The following TNRC18 variants were observed in gnomAD, a reference collection of about 807,000 sequenced individuals.
TNRC18 encodes trinucleotide repeat-containing gene 18 protein.
TNRC18 carries 69 observed loss-of-function variants against 226.7 expected under a neutral mutation model. The observed-to-expected ratio is 0.30, with a 90% confidence interval of 0.25 to 0.37. The LOEUF (loss-of-function observed/expected upper bound fraction) is 0.37, where lower values mean the gene tolerates loss of function less well. Ranked by LOEUF, TNRC18 falls within the 10% of genes least tolerant of loss-of-function variation. The pLI, the probability that TNRC18 is intolerant of heterozygous loss-of-function variation, is 1.00. For synonymous variants in TNRC18, 2,449 were observed against 1,927.6 expected (o/e 1.27, Z -7.09); for missense variants, 4,754 against 4,256.6 (o/e 1.12, Z -3.25).
rs918069963 is a variant in TNRC18 at position 5,394,387 on chromosome 7, G to A, written c.343+53C>T. 1.4e-5 allele frequency: 21 copies of A among 1,456,810 alleles called. No individual in the cohort carries two copies. In the African/African-American group the frequency reaches 2.5e-4, roughly 17 times the overall value. The allele number at this position is 1,456,810 out of a possible 1,614,324, so 90.2% of individuals were successfully genotyped here. On this transcript the variant is annotated intron_variant, in intron 3 of 29. Coordinates refer to ENST00000430969, the MANE Select transcript of TNRC18 (RefSeq NM_001080495.3). The surrounding 1 kb of genome is among the most constrained non-coding windows in gnomAD (Gnocchi z 4.5). ...GAGGGGCACATGAAGTGGCCAGAGTGGCTGGGACGTCAGCCCAGCAGCCCT... is the reference window on the plus strand; with the variant it reads ...GAGGGGCACATGAAGTGGCCAGAGTAGCTGGGACGTCAGCCCAGCAGCCCT...
rs546935896 is a variant in TNRC18, at chr7:5,336,314, T to C, written c.5720-3265A>G. On this transcript the variant is annotated intron_variant, in intron 18 of 29. Coordinates refer to ENST00000430969, the MANE Select transcript of TNRC18 (RefSeq NM_001080495.3). Reference sequence around the variant, plus strand: ...AAACGTGACCCTGAGATGAACCACATGTTGGAAAGAACAGCCAACGATTCT... The same window carrying C: ...AAACGTGACCCTGAGATGAACCACACGTTGGAAAGAACAGCCAACGATTCT... Among the ~76,000 whole-genome samples, 18 of 152,040 alleles carry C rather than the reference T, an allele frequency of 1.2e-4. 1 individual carries two copies. The South Asian group carries it at 3.5e-3, about 30-fold the overall frequency.
At chr7:5,334,018 C>G (rs1230732907) in intron 18 of TNRC18, among the ~76,000 whole-genome samples, 2 of 152,136 alleles carry the variant, frequency 1.3e-5, no homozygotes, top group Non-Finnish European at 2.9e-5. Flanking sequence ...TGGCACTGCT[C>G]CCCAGGACAG....
intron 17 of TNRC18, 24 bp from the exon 18 acceptor site, chr7:5,345,834 G>C (rs530099795): frequency 7.2e-6 from 11 of 1,531,948 alleles, no homozygotes; most frequent in African/African-American, 4.1e-5. Context: ...AACAGGGACC[G>C]AGTCAGAGCC....
At chr7:5,344,626 C>T (rs1790986724) in intron 18 of TNRC18, among the ~76,000 whole-genome samples, 1 of 152,178 alleles carries the variant, frequency 6.6e-6, no homozygotes. Context: ...ACCTGTTTTC[C>T]TGTCCTAGCC....
intron 5 of TNRC18, among the ~76,000 whole-genome samples, chr7:5,382,932 C>A (rs532103963): frequency 1.3e-4 from 20 of 152,342 alleles, no homozygotes; most frequent in African/African-American, 4.6e-4. Flanking sequence ...GGATCTTACT[C>A]TGCCACCCAG....
intron 17 of TNRC18, among the ~76,000 whole-genome samples, chr7:5,347,761 C>T (rs558140541): frequency 6.6e-6 from 1 of 152,020 alleles, no homozygotes; most frequent in Middle Eastern, 3.4e-3. Flanking sequence ...TCGAGACCAG[C>T]CTGGCCAACC....
chr7:5,375,565 G>A (rs1056491354), intron 9 of TNRC18, among the ~76,000 whole-genome samples: 1 of 152,112 alleles, frequency 6.6e-6, no homozygotes, highest in South Asian at 2.1e-4. Context: ...GCACTACCTG[G>A]GCCGACTCCT....
Position 5,351,608 on chromosome 7 carries a change from A to G in TNRC18, c.5470+211T>C, listed in dbSNP as rs189829743. On this transcript the variant is annotated intron_variant, in intron 17 of 29. Transcript: ENST00000430969. ...CAGCCGGGGATATTATCACAATGAT[A>G]CAGTACAAATCAAAGCAAAAATCAA... 5.9e-5 allele frequency among the ~76,000 whole-genome samples: 9 copies of G among 152,352 alleles called. No homozygotes were observed. In the East Asian group the frequency reaches 1.7e-3, roughly 29 times the overall value.
intron 2 of TNRC18, among the ~76,000 whole-genome samples, chr7:5,416,848 A>G (rs942269663): frequency 3.3e-5 from 5 of 152,048 alleles, no homozygotes; most frequent in African/African-American, 1.2e-4. Flanking sequence ...AAAATTAGCC[A>G]GGCATGGTGG....
chr7:5,317,731 G>A (rs918391623), intron 24 of TNRC18, among the ~76,000 whole-genome samples: 1 of 148,112 alleles, frequency 6.8e-6, no homozygotes, highest in Non-Finnish European at 1.5e-5. Context: ...TTTTTGAGAT[G>A]GTGTCATTCT....
chr7:5,308,339 G>A (rs1209578329), intron 29 of TNRC18, 27 bp from the exon 30 acceptor site: 2 of 1,585,628 alleles, frequency 1.3e-6, no homozygotes, highest in South Asian at 1.1e-5. Flanking sequence ...ATATCAGGAT[G>A]GCAGGTGGGG....
intron 2 of TNRC18, among the ~76,000 whole-genome samples, chr7:5,408,168 G>T (rs1433889438): frequency 6.6e-6 from 1 of 151,984 alleles, no homozygotes; most frequent in Non-Finnish European, 1.5e-5. Context: ...GCGTGGTGGC[G>T]CGCGCCTCTA....
chr7:5,361,204 C>T (rs751994027), intron 14 of TNRC18, among the ~76,000 whole-genome samples: 3 of 152,274 alleles, frequency 2.0e-5, no homozygotes, highest in African/African-American at 7.2e-5. Context: ...TCCGGCACGG[C>T]GGAGACCGAG....
In TNRC18 at chr7:5,306,872, A is replaced by AAACAT. The variant is rs1307621881; in HGVS notation, c.*1229_*1233dup. The AAACAT allele has an allele frequency of 1.1e-5, 1 of 91,454 alleles. No homozygotes were observed. Among genetic ancestry groups the AAACAT allele is most frequent in the Non-Finnish European group, 2.0e-5 (1 of 49,208 alleles). The allele number at this position is 91,454 out of a possible 1,614,324, so 5.7% of individuals were successfully genotyped here. Reference sequence around the variant, plus strand: ...TTGCCAACAAACAAAATTCCAAAAGAAACATAAAAAAAAAAACCAATAATT... The same window carrying AAACAT: ...TTGCCAACAAACAAAATTCCAAAAGAAACATAACATAAAAAAAAAAACCAATAATT... On this transcript the variant is annotated 3_prime_UTR_variant, in exon 30 of 30. Coordinates refer to ENST00000430969, the MANE Select transcript of TNRC18 (RefSeq NM_001080495.3).
intron 19 of TNRC18, among the ~76,000 whole-genome samples, chr7:5,327,393 G>A (rs1225006230): frequency 6.8e-6 from 1 of 147,290 alleles, no homozygotes; most frequent in Non-Finnish European, 1.5e-5. Context: ...GTGTGTGTGT[G>A]TGTGTGTGTG....
intron 5 of TNRC18, among the ~76,000 whole-genome samples, chr7:5,385,095 G>A (rs1228576418): frequency 1.3e-5 from 2 of 152,248 alleles, no homozygotes; most frequent in Admixed American, 6.5e-5. Context: ...AGAGGATGGG[G>A]AGACATGGCT....
chr7:5,422,904 T>C (rs2128227136), intron 1 of TNRC18: 1 of 152,290 alleles, frequency 6.6e-6, no homozygotes, highest in East Asian at 1.9e-4. Context: ...TGTAAGAGAT[T>C]CTTTGGGTAG....
At position 5,313,697 on chromosome 7, in the gene TNRC18, G is replaced by C; in HGVS notation, c.7194C>G (p.Pro2398=). The change falls in exon 27 of 30, where the codon CCC becomes CCG. Residue 2398 remains proline, a synonymous_variant. Transcript: ENST00000430969. ...GGCAGCTGGTGAAGGCGGGTGGTGC[G>C]GGACTGGGCTGCGGCGGTGCCGGGC... ...KARPAPPQPS[P]APPAFTSCPA... The C allele has an allele frequency of 1.2e-6, 2 of 1,600,890 alleles. No individual in the cohort carries two copies. The highest frequency in any genetic ancestry group is 1.1e-5 in the South Asian group (1 of 89,672).
intron 2 of TNRC18, among the ~76,000 whole-genome samples, chr7:5,406,786 G>C (rs1355405757): frequency 1.3e-5 from 2 of 151,424 alleles, no homozygotes. Flanking sequence ...AGGAGGCAGA[G>C]GTTGCAGTGA....
Sources: allele counts gnomAD v4.1 joint callset (sites outside exome capture counted in the v4.1 genomes callset), GRCh38; gene constraint gnomAD v4.1.1; non-coding constraint Gnocchi (gnomAD v3.1); transcripts MANE v1.5; gene names NCBI Gene and HGNC (gene_info 2026-07-23, HGNC 2026-07-21).